SLA2: variants seen among roughly 807,000 people sequenced by gnomAD.
SLA2 encodes the protein src-like-adapter 2.
SLA2 carries 22 observed loss-of-function variants against 27.3 expected under a neutral mutation model. That is an observed-to-expected ratio of 0.81 (90% confidence interval 0.58 to 1.15). The LOEUF (loss-of-function observed/expected upper bound fraction) is 1.15, where lower values mean the gene tolerates loss of function less well. SLA2 is among the 50% of genes most tolerant of loss of function. The probability of loss-of-function intolerance (pLI) is 0.00; values close to 1 mark genes in which losing one functional copy is unlikely to be tolerated. For synonymous variants in SLA2, 131 were observed against 137.8 expected (o/e 0.95, Z 0.34); for missense variants, 304 against 322.2 (o/e 0.94, Z 0.43).
At chr20:36,637,184 CGT>C (rs1300468926) in intron 2 of SLA2, among the ~76,000 whole-genome samples, 4 of 143,496 alleles carry the variant, frequency 2.8e-5, no homozygotes, top group Non-Finnish European at 4.5e-5. Context: ...CTAAGGTGCG[CGT>C]GTGTGTATTT....
At chr20:36,614,126 C>A in intron 7 of SLA2, 140 bp from the exon 8 acceptor site, 1 of 1,470,048 alleles carries the variant, frequency 6.8e-7, no homozygotes, top group Non-Finnish European at 9.3e-7. Context: ...ATCAGATCAG[C>A]TTCCCCAGCC....
chr20:36,633,431 C>A, intron 4 of SLA2, 112 bp downstream of exon 4: 3 of 886,328 alleles, frequency 3.4e-6, no homozygotes, highest in South Asian at 1.5e-5. Flanking sequence ...GACCTGGGTT[C>A]GATTCTCCCC....
intron 2 of SLA2, among the ~76,000 whole-genome samples, chr20:36,638,915 C>T (rs954454419): frequency 2.7e-5 from 4 of 150,844 alleles, no homozygotes; most frequent in East Asian, 2.0e-4. Context: ...GGTGTGATCT[C>T]GGCTCACTGC....
chr20:36,642,379 C>T (rs1257873330), intron 1 of SLA2, among the ~76,000 whole-genome samples: 1 of 150,334 alleles, frequency 6.7e-6, no homozygotes, highest in Admixed American at 6.7e-5. Context: ...TCCTTTACCA[C>T]GTCCTGAATG....
chr20:36,629,411 A>T (rs62206142), intron 5 of SLA2, among the ~76,000 whole-genome samples: 2,719 of 150,256 alleles, frequency 0.018, 33 homozygotes, highest in Non-Finnish European at 0.03. Context: ...TGGGCGGATT[A>T]TCTGAGGGTC....
intron 2 of SLA2, among the ~76,000 whole-genome samples, chr20:36,636,579 T>C (rs1483821751): frequency 5.1e-5 from 7 of 136,384 alleles, no homozygotes; most frequent in Non-Finnish European, 1.1e-4. Context: ...CACTCCAGCC[T>C]GGGCAACAAG....
At chr20:36,616,042 C>T (rs1850436818) in intron 5 of SLA2, among the ~76,000 whole-genome samples, 1 of 152,170 alleles carries the variant, frequency 6.6e-6, no homozygotes, top group Non-Finnish European at 1.5e-5. Context: ...ACAGAGCATA[C>T]ATTCAGCCTG....
chr20:36,619,220 GAAAAAAAAAA>G lies in SLA2; in HGVS notation c.383-3856_383-3847del, dbSNP rs60021707. 2.2e-4 allele frequency among the ~76,000 whole-genome samples: 16 copies of G among 71,296 alleles called. 1 individual carries two copies. The highest frequency in any genetic ancestry group is 1.9e-3 in the Admixed American group (9 of 4,824). The allele number at this position is 71,296 out of a possible 152,430, so 46.8% of individuals were successfully genotyped here. A position where few individuals can be genotyped will look rare whatever the true frequency, so the allele number is the denominator to read the frequency against. ...TGGGCAATGGAGTGAGACTCTGGGG[GAAAAAAAAAA>G]AAAAAAAAAAAAAGGCTGGGTGCGG... On this transcript the variant is annotated intron_variant, in intron 5 of 7. Coordinates refer to ENST00000262866, the MANE Select transcript of SLA2 (RefSeq NM_032214.4).
chr20:36,621,009 T>C lies in SLA2; in HGVS notation c.383-5635A>G, dbSNP rs759156467. The C allele has an allele frequency of 1.9e-5, 7 of 371,062 alleles. No individual in the cohort carries two copies. The East Asian group carries it at 3.8e-4, about 20-fold the overall frequency. The allele number at this position is 371,062 out of a possible 1,614,324, so 23.0% of individuals were successfully genotyped here. On this transcript the variant is annotated intron_variant, in intron 5 of 7. Transcript: ENST00000262866. The stretch of plus-strand genomic sequence containing the variant: ...GTTACAGAGGAAACTTTGGAGGTAG[T>C]AGAGGTAATTTTGGCTGCAGTGGAA...
At chr20:36,631,833 A>C (rs1233540846) in intron 5 of SLA2, among the ~76,000 whole-genome samples, 1 of 152,130 alleles carries the variant, frequency 6.6e-6, no homozygotes, top group African/African-American at 2.4e-5. Flanking sequence ...CTGGAGAAGC[A>C]TTTGCTGAAT....
chr20:36,644,604 G>A (rs933415893), intron 1 of SLA2, among the ~76,000 whole-genome samples: 18 of 152,344 alleles, frequency 1.2e-4, no homozygotes, highest in African/African-American at 3.4e-4. Flanking sequence ...CAAAGTCTCT[G>A]CAGCTCCCTT....
At chr20:36,624,535 G>A (rs971120356) in intron 5 of SLA2, among the ~76,000 whole-genome samples, 1 of 152,086 alleles carries the variant, frequency 6.6e-6, no homozygotes, top group Non-Finnish European at 1.5e-5. Context: ...GCAGAATCTC[G>A]TGTTTTGAAC....
chr20:36,627,449 C>T (rs1459938602), intron 5 of SLA2, among the ~76,000 whole-genome samples: 1 of 152,216 alleles, frequency 6.6e-6, no homozygotes, highest in Non-Finnish European at 1.5e-5. Flanking sequence ...TTGCACCCTC[C>T]ACTGTCTGCA....
chr20:36,625,824 CAA>C (rs935601715), intron 5 of SLA2, among the ~76,000 whole-genome samples: 17 of 50,118 alleles, frequency 3.4e-4, no homozygotes, highest in Admixed American at 4.4e-4. Flanking sequence ...GAGATCCTGT[CAA>C]AAAAAAAAAA....
intron 2 of SLA2, among the ~76,000 whole-genome samples, chr20:36,636,664 CTGAG>C (rs2039453308): frequency 7.4e-6 from 1 of 135,522 alleles, no homozygotes; most frequent in Admixed American, 7.7e-5. Context: ...GGTTGCAAGA[CTGAG>C]TGGCCGCAGT....
rs1324392668 is a variant in SLA2, at chr20:36,613,633, CCTT to C, written c.*230_*232del. On this transcript the variant is annotated 3_prime_UTR_variant, in exon 8 of 8. Transcript: ENST00000262866. ...TTTTGGAACCCTGGCCCTGGTCCCA[CCTT>C]CTCTGCACTCGCACTAGAGGTCGCA... The C allele has an allele frequency of 2.2e-6, 1 of 458,452 alleles. No homozygotes were observed. The highest frequency in any genetic ancestry group is 6.0e-4 in the Middle Eastern group (1 of 1,678). The allele number at this position is 458,452 out of a possible 1,614,324, so 28.4% of individuals were successfully genotyped here. A position where few individuals can be genotyped will look rare whatever the true frequency, so the allele number is the denominator to read the frequency against.
intron 1 of SLA2, among the ~76,000 whole-genome samples, chr20:36,645,489 A>G (rs1295856369): frequency 2.6e-5 from 4 of 152,228 alleles, no homozygotes; most frequent in African/African-American, 7.2e-5. Context: ...GTCTTGAGAG[A>G]TGGTAGCCCT....
intron 5 of SLA2, among the ~76,000 whole-genome samples, chr20:36,619,940 A>T (rs1044482463): frequency 1.6e-4 from 24 of 150,564 alleles, no homozygotes; most frequent in African/African-American, 2.7e-4. Context: ...CCAAAAAAAA[A>T]TTTTTTTTTA....
chr20:36,622,878 A>T (rs530116969), intron 5 of SLA2, among the ~76,000 whole-genome samples: 78 of 152,320 alleles, frequency 5.1e-4, no homozygotes, highest in African/African-American at 1.9e-3. Context: ...AAGGTAACAT[A>T]TTCACAGGTG....
Sources: allele counts gnomAD v4.1 joint callset (sites outside exome capture counted in the v4.1 genomes callset), GRCh38; gene constraint gnomAD v4.1.1; transcripts MANE v1.5; gene names NCBI Gene and HGNC (gene_info 2026-07-23, HGNC 2026-07-21).